The following MFHAS1 variants were observed in gnomAD, a reference collection of about 807,000 sequenced individuals.
MFHAS1 encodes malignant fibrous histiocytoma-amplified sequence 1.
MFHAS1 carries 50 observed loss-of-function variants against 70.4 expected under a neutral mutation model. That is an observed-to-expected ratio of 0.71 (90% CI 0.57 to 0.90). MFHAS1 has a LOEUF of 0.90. Among genes scored for constraint, MFHAS1 ranks in the 40% least tolerant of loss-of-function variants. The pLI is 0.00. For missense variants in MFHAS1, 1,795 were observed against 1,347.6 expected, an observed-to-expected ratio of 1.33 and a Z score of -5.20; for synonymous variants, 952 against 620.0, an observed-to-expected ratio of 1.54 and a Z score of -7.96.
intron 1 of MFHAS1, among the ~76,000 whole-genome samples, chr8:8,868,359 C>T (rs1485575371): frequency 6.7e-6 from 1 of 149,948 alleles, no homozygotes; most frequent in East Asian, 1.9e-4. Flanking sequence ...TGCAAAGATG[C>T]AAAGATTTTT....
At chr8:8,823,689 G>A (rs914478374) in intron 1 of MFHAS1, among the ~76,000 whole-genome samples, 6 of 150,018 alleles carry the variant, frequency 4.0e-5, no homozygotes, top group South Asian at 2.2e-4. Context: ...TAATTCTCCC[G>A]TCTTCAGTCT....
intron 1 of MFHAS1, among the ~76,000 whole-genome samples, chr8:8,825,761 A>T (rs907179): frequency 6.6e-6 from 1 of 152,048 alleles, no homozygotes; most frequent in Non-Finnish European, 1.5e-5. Flanking sequence ...AAGATTTCCA[A>T]ATATGAATTT....
intron 1 of MFHAS1, among the ~76,000 whole-genome samples, chr8:8,888,846 C>G (rs527495853): frequency 1.6e-4 from 25 of 152,188 alleles, no homozygotes; most frequent in Non-Finnish European, 3.4e-4. Flanking sequence ...TAAACTATGA[C>G]CTTTGGCTGG....
chr8:8,857,710 A>G (rs956909353), intron 1 of MFHAS1, among the ~76,000 whole-genome samples: 4 of 152,078 alleles, frequency 2.6e-5, no homozygotes, highest in African/African-American at 9.7e-5. Context: ...CAGTGAGCCA[A>G]GATCGCACCA....
chr8:8,822,855 G>A (rs1331992854), intron 1 of MFHAS1, among the ~76,000 whole-genome samples: 1 of 152,138 alleles, frequency 6.6e-6, no homozygotes, highest in Non-Finnish European at 1.5e-5. Flanking sequence ...ACCAAGTCAG[G>A]GGGACTGAGA....
At chr8:8,866,961 T>G (rs1369685165) in intron 1 of MFHAS1, among the ~76,000 whole-genome samples, 5 of 152,222 alleles carry the variant, frequency 3.3e-5, no homozygotes, top group African/African-American at 1.2e-4. Flanking sequence ...TAAGGTGTAA[T>G]CCCATCATTT....
rs1299568371 is a variant in MFHAS1 at position 8,785,860 on chromosome 8, C to G, written c.*162G>C. 1.1e-5 allele frequency: 5 copies of G among 461,526 alleles called. No homozygotes were observed. The highest frequency in any genetic ancestry group is 2.1e-5 in the Non-Finnish European group (5 of 238,730). The allele number at this position is 461,526 out of a possible 1,614,324, so 28.6% of individuals were successfully genotyped here. On this transcript the variant is annotated 3_prime_UTR_variant, in exon 3 of 3. Transcript: ENST00000276282. ...CATGCTTCCCCCCACCACCCCCTCC[C>G]CACCTCTTCCCCAGTCGTCCAAAAA...
chr8:8,877,568 A>T (rs1445261796), intron 1 of MFHAS1, among the ~76,000 whole-genome samples: 1 of 152,210 alleles, frequency 6.6e-6, no homozygotes. Context: ...GGCTGATGTT[A>T]GAATGAATAA....
intron 1 of MFHAS1, among the ~76,000 whole-genome samples, chr8:8,851,882 G>A (rs988309535): frequency 1.3e-5 from 2 of 152,166 alleles, no homozygotes; most frequent in Non-Finnish European, 2.9e-5. Context: ...CGATCACAGT[G>A]TTCTCCATTC....
rs530512408 is a variant in MFHAS1 at position 8,859,763 on chromosome 8, T to G, written c.2998+30298A>C. On this transcript the variant is annotated intron_variant, in intron 1 of 2. Coordinates refer to ENST00000276282, the MANE Select transcript of MFHAS1 (RefSeq NM_004225.3). Reference sequence around the variant, plus strand: ...CAAAATATGTGCTATTGACTGTTAATGCTATCAGTAAGACTTCCAGTCAAC... The same window carrying G: ...CAAAATATGTGCTATTGACTGTTAAGGCTATCAGTAAGACTTCCAGTCAAC... 2.0e-5 allele frequency among the ~76,000 whole-genome samples: 3 copies of G among 152,368 alleles called. No individual in the cohort carries two copies. In the East Asian group the frequency reaches 5.8e-4, roughly 29 times the overall value.
At chr8:8,837,996 T>A (rs1807665345) in intron 1 of MFHAS1, among the ~76,000 whole-genome samples, 1 of 152,212 alleles carries the variant, frequency 6.6e-6, no homozygotes, top group African/African-American at 2.4e-5. Context: ...TCATAACAAT[T>A]TTATTTATAA....
intron 1 of MFHAS1, among the ~76,000 whole-genome samples, chr8:8,831,802 T>G (rs937171047): frequency 1.3e-5 from 2 of 152,056 alleles, no homozygotes; most frequent in African/African-American, 4.8e-5. Context: ...AGAGACGGGT[T>G]TCACCATGTT....
At chr8:8,822,577 G>C (rs551526805) in intron 1 of MFHAS1, among the ~76,000 whole-genome samples, 1 of 150,006 alleles carries the variant, frequency 6.7e-6, no homozygotes, top group African/African-American at 2.5e-5. Context: ...CCTGAGGTGA[G>C]GACAGGGACC....
intron 1 of MFHAS1, among the ~76,000 whole-genome samples, chr8:8,800,738 T>C (rs1585022104): frequency 6.6e-6 from 1 of 152,286 alleles, no homozygotes; most frequent in East Asian, 1.9e-4. Flanking sequence ...CTGAAAACTC[T>C]CTCCTGGTTG....
In MFHAS1 at chr8:8,832,111, G is replaced by C. The variant is rs555139825; in HGVS notation, c.2999-34620C>G. Among the ~76,000 whole-genome samples the C allele has an allele frequency of 4.8e-5, 7 of 144,690 alleles. No homozygotes were observed. The South Asian group carries it at 8.9e-4, about 18-fold the overall frequency. 94.9% of individuals were successfully genotyped at this position (144,690 alleles called of 152,430 possible). On this transcript the variant is annotated intron_variant, in intron 1 of 2. Transcript: ENST00000276282. ...ACACGCACCAAAGTAACTTGAAATA[G>C]ATCCTAGACCTAAATGCAAAAGCCA...
At chr8:8,842,360 A>AT (rs1807864544) in intron 1 of MFHAS1, among the ~76,000 whole-genome samples, 1 of 151,858 alleles carries the variant, frequency 6.6e-6, no homozygotes, top group Admixed American at 6.6e-5. Context: ...TAATTTTTGT[A>AT]TTTTTAGTAG....
At chr8:8,827,563 C>T (rs1325176946) in intron 1 of MFHAS1, among the ~76,000 whole-genome samples, 1 of 152,224 alleles carries the variant, frequency 6.6e-6, no homozygotes, top group Admixed American at 6.5e-5. Flanking sequence ...ATTGGTTTAA[C>T]TATTCCATTT....
chr8:8,820,347 G>C (rs139597817), intron 1 of MFHAS1, among the ~76,000 whole-genome samples: 1 of 151,710 alleles, frequency 6.6e-6, no homozygotes, highest in South Asian at 2.1e-4. Context: ...TTCCAAAAGC[G>C]CATGCACACA....
intron 2 of MFHAS1, among the ~76,000 whole-genome samples, chr8:8,796,356 T>C (rs1373614139): frequency 3.3e-5 from 5 of 152,192 alleles, no homozygotes; most frequent in African/African-American, 1.2e-4. Flanking sequence ...GCGCTGGTTT[T>C]TGATGTGAGA....
Sources: gnomAD v4.1 joint callset for allele counts (sites outside exome capture counted in the v4.1 genomes callset) on GRCh38, gnomAD v4.1.1 for gene constraint, MANE v1.5 for transcripts, NCBI Gene and HGNC (gene_info 2026-07-23, HGNC 2026-07-21) for gene names.